Variants in MSRA observed in about 807,000 individuals in gnomAD.
MSRA encodes mitochondrial peptide methionine sulfoxide reductase.
MSRA carries 54 observed loss-of-function variants against 31.3 expected under a neutral mutation model. That is an observed-to-expected ratio of 1.73 (90% confidence interval 1.39 to 2.17). MSRA has a LOEUF of 2.17. Ranked by LOEUF, MSRA falls within the 30% of genes most tolerant of loss-of-function variation. The pLI is 0.00. For synonymous variants in MSRA, 169 were observed against 116.5 expected, an observed-to-expected ratio of 1.45 and a Z score of -2.90; for missense variants, 507 against 300.9, an observed-to-expected ratio of 1.69 and a Z score of -5.07.
At chr8:10,303,303 C>T (rs886250745) in intron 4 of MSRA, among the ~76,000 whole-genome samples, 1 of 152,170 alleles carries the variant, frequency 6.6e-6, no homozygotes, top group Non-Finnish European at 1.5e-5. Context: ...CCATACCGCT[C>T]TTAAATGCTT....
intron 5 of MSRA, among the ~76,000 whole-genome samples, chr8:10,412,238 A>G (rs1808202317): frequency 6.6e-6 from 1 of 152,254 alleles, no homozygotes; most frequent in Non-Finnish European, 1.5e-5. Context: ...TATTGCAGCT[A>G]GTCGTTCTTA....
At position 10,109,963 on chromosome 8, in the gene MSRA, C is replaced by T. The variant is rs1278596907; in HGVS notation, c.142+55305C>T. Among the ~76,000 whole-genome samples the T allele has an allele frequency of 5.3e-4, 80 of 152,048 alleles. 1 individual carries two copies. Among genetic ancestry groups the T allele is most frequent in the South Asian group, 2.1e-4 (1 of 4,818 alleles). On this transcript the variant is annotated intron_variant, in intron 1 of 5. Coordinates refer to ENST00000317173, the MANE Select transcript of MSRA (RefSeq NM_012331.5). ...TTTGGTTTCCACATATGTAAAGATT[C>T]GTCATAATTAGCAAGTTCACCCTTA...
chr8:10,193,086 C>A (rs535401994), intron 1 of MSRA, among the ~76,000 whole-genome samples: 36 of 152,278 alleles, frequency 2.4e-4, no homozygotes, highest in African/African-American at 7.2e-4. Context: ...CCTGGCAGAC[C>A]TATCAAGACA....
chr8:10,085,394 A>G (rs992072423), intron 1 of MSRA, among the ~76,000 whole-genome samples: 1 of 152,104 alleles, frequency 6.6e-6, no homozygotes, highest in Non-Finnish European at 1.5e-5. Context: ...GAAAGTGCCT[A>G]TTGTGTGTAT....
chr8:10,055,793 A>G (rs1195345910), intron 1 of MSRA, among the ~76,000 whole-genome samples: 2 of 152,242 alleles, frequency 1.3e-5, no homozygotes, highest in Non-Finnish European at 2.9e-5. Context: ...ATCTCGTAGA[A>G]TAATCAGTAT....
At chr8:10,143,457 G>A (rs981815220) in intron 1 of MSRA, among the ~76,000 whole-genome samples, 5 of 152,154 alleles carry the variant, frequency 3.3e-5, no homozygotes, top group Non-Finnish European at 5.9e-5. Context: ...TAGTGTCGCA[G>A]CGATTGTTAA....
intron 5 of MSRA, among the ~76,000 whole-genome samples, chr8:10,402,449 C>G (rs1807525232): frequency 6.6e-6 from 1 of 152,228 alleles, no homozygotes; most frequent in African/African-American, 2.4e-5. Flanking sequence ...CCCACTCACC[C>G]ACAGTTTTCC....
Position 10,331,272 on chromosome 8 carries a change from G to A in MSRA, c.543+11283G>A, listed in dbSNP as rs980532715. On this transcript the variant is annotated intron_variant, in intron 5 of 5. Coordinates refer to ENST00000317173, the MANE Select transcript of MSRA (RefSeq NM_012331.5). ...TTTTGTGTGCTGCACTCCATGGAGC[G>A]GGGGCAGAGCACTGGCTTGGAGGAG... 1.8e-4 allele frequency among the ~76,000 whole-genome samples: 27 copies of A among 152,214 alleles called. 1 individual carries two copies. Among genetic ancestry groups the A allele is most frequent in the Non-Finnish European group, 1.3e-4 (9 of 68,038 alleles).
chr8:10,411,354 C>T (rs1303273263), intron 5 of MSRA: 1 of 152,230 alleles, frequency 6.6e-6, no homozygotes, highest in Non-Finnish European at 1.5e-5. Context: ...CTTCTTTTCT[C>T]TCTGTCTTGA....
chr8:10,332,412 C>A (rs1294526874), intron 5 of MSRA, among the ~76,000 whole-genome samples: 2 of 151,768 alleles, frequency 1.3e-5, no homozygotes, highest in Non-Finnish European at 2.9e-5. Context: ...TGGAAAAACC[C>A]TGAATAATTC....
chr8:10,205,241 G>A (rs1346880188), intron 1 of MSRA, among the ~76,000 whole-genome samples: 2 of 152,184 alleles, frequency 1.3e-5, no homozygotes, highest in African/African-American at 2.4e-5. Context: ...GAAGGCAGAT[G>A]TCGGAGTCCG....
At chr8:10,328,909 C>G (rs372675018) in intron 5 of MSRA, among the ~76,000 whole-genome samples, 1 of 152,118 alleles carries the variant, frequency 6.6e-6, no homozygotes, top group Non-Finnish European at 1.5e-5. Context: ...CTCACTGTTG[C>G]CACAGAGAGA....
chr8:10,347,413 T>A (rs1042503394), intron 5 of MSRA, among the ~76,000 whole-genome samples: 1 of 152,202 alleles, frequency 6.6e-6, no homozygotes, highest in African/African-American at 2.4e-5. Context: ...CCATTCCTTC[T>A]TGTGATGTCC....
intron 1 of MSRA, among the ~76,000 whole-genome samples, chr8:10,063,574 G>T (rs1797317124): frequency 6.6e-6 from 1 of 152,212 alleles, no homozygotes; most frequent in Admixed American, 6.5e-5. Flanking sequence ...GGTGATGGGG[G>T]ATTAGGAGGT....
chr8:10,119,956 G>A (rs1372785031), intron 1 of MSRA, among the ~76,000 whole-genome samples: 1 of 152,162 alleles, frequency 6.6e-6, no homozygotes, highest in African/African-American at 2.4e-5. Context: ...CCCAAAAAGG[G>A]GCAAGAAGAG....
At chr8:10,390,521 T>A (rs902487017) in intron 5 of MSRA, among the ~76,000 whole-genome samples, 1 of 152,150 alleles carries the variant, frequency 6.6e-6, no homozygotes, top group Non-Finnish European at 1.5e-5. Context: ...CTGTGCACAT[T>A]TATGACAGGA....
At chr8:10,385,806 G>A (rs1429059557) in intron 5 of MSRA, among the ~76,000 whole-genome samples, 1 of 147,548 alleles carries the variant, frequency 6.8e-6, no homozygotes, top group African/African-American at 2.5e-5. Flanking sequence ...CTCACCTGGT[G>A]GGGGGTGGGG....
intron 1 of MSRA, among the ~76,000 whole-genome samples, chr8:10,207,357 A>G (rs1463210455): frequency 6.6e-6 from 1 of 152,130 alleles, no homozygotes; most frequent in Non-Finnish European, 1.5e-5. Context: ...ATGTTCTGCT[A>G]TTGTGTTTTT....
At chr8:10,190,451 A>G (rs930300123) in intron 1 of MSRA, among the ~76,000 whole-genome samples, 7 of 152,260 alleles carry the variant, frequency 4.6e-5, no homozygotes, top group South Asian at 2.1e-4. Context: ...GTTCCTGACA[A>G]TCTGCAATCC....
Sources: gnomAD v4.1 joint callset for allele counts (sites outside exome capture counted in the v4.1 genomes callset) on GRCh38, gnomAD v4.1.1 for gene constraint, MANE v1.5 for transcripts, NCBI Gene and HGNC (gene_info 2026-07-23, HGNC 2026-07-21) for gene names.